The following GPR35 variants were observed in gnomAD, a reference collection of about 807,000 sequenced individuals.
The protein encoded by GPR35 is G protein-coupled receptor 35.
For missense variants in GPR35, 372 were observed against 422.5 expected, an observed-to-expected ratio of 0.88 and a Z score of 1.05; for synonymous variants, 207 against 198.4, an observed-to-expected ratio of 1.04 and a Z score of -0.36.
At chr2:240,608,894 T>C (rs2043159582) in intron 2 of GPR35, among the ~76,000 whole-genome samples, 1 of 152,234 alleles carries the variant, frequency 6.6e-6, no homozygotes, top group Non-Finnish European at 1.5e-5. Context: ...AAATTATGAA[T>C]TCAACAACTT....
At chr2:240,626,827 GCA>G (rs1553615320) in intron 1 of GPR35, among the ~76,000 whole-genome samples, 1 of 152,160 alleles carries the variant, frequency 6.6e-6, no homozygotes, top group Non-Finnish European at 1.5e-5. Flanking sequence ...GGCCAGCCAG[GCA>G]CTCTGGGGTC....
At position 240,625,533 on chromosome 2, in the gene GPR35, C is replaced by T; in HGVS notation, c.-40C>T. The T allele has an allele frequency of 1.0e-6, 1 of 985,990 alleles. No homozygotes were observed. The highest frequency in any genetic ancestry group is 1.7e-5 in the African/African-American group (1 of 57,364). 61.1% of individuals were successfully genotyped at this position (985,990 alleles called of 1,614,324 possible). A position where few individuals can be genotyped will look rare whatever the true frequency, so the allele number is the denominator to read the frequency against. On this transcript the variant is annotated 5_prime_UTR_variant, in exon 1 of 2. Transcript: ENST00000407714. The stretch of plus-strand genomic sequence containing the variant: ...CTGTGCAGGCTTTGGCAGCGGGGGT[C>T]ACACACTCCACCCGGGAGGCCAAAG...
At chr2:240,614,803 T>C (rs993910860) in intron 2 of GPR35, among the ~76,000 whole-genome samples, 2 of 151,902 alleles carry the variant, frequency 1.3e-5, no homozygotes, top group African/African-American at 4.8e-5. Flanking sequence ...CTTATCAGAG[T>C]GTGTGTGTAT....
chr2:240,626,500 G>T (rs547063455), intron 1 of GPR35, among the ~76,000 whole-genome samples: 1 of 152,062 alleles, frequency 6.6e-6, no homozygotes, highest in Non-Finnish European at 1.5e-5. Flanking sequence ...GAGGCTGTTG[G>T]GGTCTCAGGG....
intron 1 of GPR35, among the ~76,000 whole-genome samples, chr2:240,626,559 G>C (rs1265062351): frequency 6.6e-6 from 1 of 152,124 alleles, no homozygotes; most frequent in Non-Finnish European, 1.5e-5. Context: ...GTAGCAGCTT[G>C]TTGGAGTGTG....
At chr2:240,618,952 G>A in exon 5 of GPR35, 1 of 702,550 alleles carries the variant, frequency 1.4e-6, no homozygotes, top group East Asian at 2.7e-5. Flanking sequence ...GATGCTGAGT[G>A]GTTCCCGGGC....
In GPR35 at chr2:240,630,026, C is replaced by T. The variant is rs1420490494; in HGVS notation, c.74C>T (p.Ala25Val). The change falls in exon 2 of 2, where the codon GCC (alanine) becomes GTC (valine). Residue 25 changes from alanine to valine, a missense_variant. Coordinates refer to ENST00000407714, the MANE Select transcript of GPR35 (RefSeq NM_005301.5). ...WPPAIKLGFY[A>V]YLGVLLVLGL... Reference sequence around the variant, plus strand: ...CCAGCGATCAAGCTGGGCTTCTACGCCTACTTGGGCGTCCTGCTGGTGCTA... The same window carrying T: ...CCAGCGATCAAGCTGGGCTTCTACGTCTACTTGGGCGTCCTGCTGGTGCTA... 2 of 1,612,768 alleles carry T rather than the reference C, an allele frequency of 1.2e-6. No homozygotes were observed. The highest frequency in any genetic ancestry group is 2.7e-5 in the African/African-American group (2 of 74,926).
intron 2 of GPR35, among the ~76,000 whole-genome samples, chr2:240,611,714 G>T (rs1277374772): frequency 1.3e-5 from 2 of 152,178 alleles, no homozygotes; most frequent in African/African-American, 4.8e-5. Flanking sequence ...CATTTAAAGT[G>T]CTTCTGAGGC....
intron 1 of GPR35, among the ~76,000 whole-genome samples, chr2:240,626,027 T>A (rs2125486507): frequency 1.7e-5 from 1 of 57,790 alleles, no homozygotes; most frequent in Non-Finnish European, 3.6e-5. Flanking sequence ...GGGGTGAGGC[T>A]GTGATGGGGT....
At chr2:240,627,210 G>C (rs1440235093) in intron 1 of GPR35, among the ~76,000 whole-genome samples, 1 of 152,208 alleles carries the variant, frequency 6.6e-6, no homozygotes, top group Non-Finnish European at 1.5e-5. Flanking sequence ...TTCCTGTGCG[G>C]GACTGGGGCA....
In GPR35 at chr2:240,630,860, C is replaced by G. The variant is rs141642870; in HGVS notation, c.908C>G (p.Ser303Cys). Residue 303 changes from serine to cysteine, a missense_variant, in exon 2 of 2, where the codon TCT (serine) becomes TGT (cysteine). Coordinates refer to ENST00000407714, the MANE Select transcript of GPR35 (RefSeq NM_005301.5). Reference protein sequence around the residue: ...PSAKAHKSQDSLCVTLA With the variant: ...PSAKAHKSQDCLCVTLA Reference sequence around the variant, plus strand: ...GCTAAGGCCCACAAAAGCCAGGACTCTCTGTGCGTGACCCTCGCCTAAGAG... The same window carrying G: ...GCTAAGGCCCACAAAAGCCAGGACTGTCTGTGCGTGACCCTCGCCTAAGAG... 1 of 1,612,730 alleles carries G rather than the reference C, an allele frequency of 6.2e-7. No homozygotes were observed. The highest frequency in any genetic ancestry group is 1.3e-5 in the African/African-American group (1 of 74,936).
rs372449386 is a variant in GPR35, at chr2:240,629,986, G to A, written c.34G>A (p.Asp12Asn). 18 of 1,608,976 alleles carry A rather than the reference G, an allele frequency of 1.1e-5. No homozygotes were observed. Among genetic ancestry groups the A allele is most frequent in the African/African-American group, 4.0e-5 (3 of 74,856 alleles). Residue 12 changes from aspartate (D) to asparagine (N), a missense_variant, in exon 2 of 2, where the codon GAC becomes AAC. Asp to Asn is a conservative substitution (Grantham distance 23, BLOSUM62 1). Coordinates refer to ENST00000407714, the MANE Select transcript of GPR35 (RefSeq NM_005301.5). ...CACCTACAACACCTGTGGCTCCAGC[G>A]ACCTCACCTGGCCCCCAGCGATCAA... ...NGTYNTCGSS[D>N]LTWPPAIKLG...
At chr2:240,607,277 GGC>G (rs569877847) in intron 2 of GPR35, 105 of 151,784 alleles carry the variant, frequency 6.9e-4, no homozygotes, top group African/African-American at 2.4e-3. Flanking sequence ...CAACCTCCTG[GGC>G]TCAGGTGATT....
At chr2:240,625,118 C>A, upstream of GPR35, 1 of 279,580 alleles carries the variant, frequency 3.6e-6, no homozygotes, top group Non-Finnish European at 5.4e-6. Flanking sequence ...GACCGCAGAC[C>A]CTGGGAGGGC....
chr2:240,623,890 A>G (rs1410305453), upstream of GPR35, among the ~76,000 whole-genome samples: 1 of 151,854 alleles, frequency 6.6e-6, no homozygotes, highest in Non-Finnish European at 1.5e-5. Flanking sequence ...TGAGGAGCAC[A>G]GGTGCCAGGC....
At chr2:240,617,176 C>T in exon 4 of GPR35, 1 of 714,668 alleles carries the variant, frequency 1.4e-6, no homozygotes, top group Admixed American at 2.0e-5. Context: ...ATTGCAGACT[C>T]ATGAAAGACC....
In GPR35 at chr2:240,631,279, G is replaced by A. The variant is rs561913243; in HGVS notation, c.*397G>A. On this transcript the variant is annotated 3_prime_UTR_variant, in exon 2 of 2. Coordinates refer to ENST00000407714, the MANE Select transcript of GPR35 (RefSeq NM_005301.5). ...GTCCTAGTGGGGCCCTCTGTGTTTCGCACTCGTGTGGTGGGAGGCAGGGAG... is the reference window on the plus strand; with the variant it reads ...GTCCTAGTGGGGCCCTCTGTGTTTCACACTCGTGTGGTGGGAGGCAGGGAG... 67 of 238,872 alleles carry A rather than the reference G, an allele frequency of 2.8e-4. No individual in the cohort carries two copies. The highest frequency in any genetic ancestry group is 1.1e-3 in the Admixed American group (21 of 19,588). 14.8% of individuals were successfully genotyped at this position (238,872 alleles called of 1,614,324 possible).
chr2:240,624,013 G>GT (rs1559437992), upstream of GPR35, among the ~76,000 whole-genome samples: 1 of 151,918 alleles, frequency 6.6e-6, no homozygotes, highest in Non-Finnish European at 1.5e-5. Context: ...TGGTGGTGGG[G>GT]GGGGTGGGGG....
chr2:240,608,101 G>A (rs2043152576), intron 2 of GPR35, among the ~76,000 whole-genome samples: 2 of 151,992 alleles, frequency 1.3e-5, no homozygotes, highest in African/African-American at 4.8e-5. Context: ...TATGTTGCTC[G>A]GGCTGGTCTT....
Sources: allele counts gnomAD v4.1 joint callset (sites outside exome capture counted in the v4.1 genomes callset), GRCh38; gene constraint gnomAD v4.1.1; transcripts MANE v1.5; gene names NCBI Gene and HGNC (gene_info 2026-07-23, HGNC 2026-07-21).